Variants in BICRAL observed in about 807,000 individuals in gnomAD.
BICRAL encodes BICRA like chromatin remodeling complex associated protein.
BICRAL carries 8 observed loss-of-function variants against 91.8 expected under a neutral mutation model. That is an observed-to-expected ratio of 0.09 (90% CI 0.05 to 0.16). BICRAL has a LOEUF of 0.16. BICRAL is among the 10% of genes least tolerant of loss of function. The pLI is 1.00. For missense variants in BICRAL, 1,038 were observed against 1,310.9 expected (o/e 0.79, Z 3.21); for synonymous variants, 445 against 491.1 (o/e 0.91, Z 1.24).
intron 1 of BICRAL, among the ~76,000 whole-genome samples, chr6:42,765,253 G>T (rs1435216157): frequency 6.6e-6 from 1 of 152,210 alleles, no homozygotes; most frequent in Non-Finnish European, 1.5e-5. Context: ...CAGTGAAAGA[G>T]GCTGATTTGG....
chr6:42,789,537 G>C (rs187377651), intron 1 of BICRAL, among the ~76,000 whole-genome samples: 2,363 of 151,880 alleles, frequency 0.016, 78 homozygotes, highest in African/African-American at 0.054. Context: ...AGCTACTCAG[G>C]AGGCTGAGGC....
rs970706365 is a variant in BICRAL at position 42,866,349 on chromosome 6, T to G, written c.*903T>G. On this transcript the variant is annotated 3_prime_UTR_variant, in exon 13 of 13. Coordinates refer to ENST00000314073, the MANE Select transcript of BICRAL (RefSeq NM_001393499.1). ...GTAAAAGCATATATATGTTAACTATTGAGAAAAAACAAGTTTTGCATTTTA... is the reference window on the plus strand; with the variant it reads ...GTAAAAGCATATATATGTTAACTATGGAGAAAAAACAAGTTTTGCATTTTA... The G allele has an allele frequency of 1.2e-5, 2 of 167,894 alleles. No individual in the cohort carries two copies. Among genetic ancestry groups the G allele is most frequent in the African/African-American group, 2.4e-5 (1 of 41,650 alleles). The allele number at this position is 167,894 out of a possible 1,614,324, so 10.4% of individuals were successfully genotyped here.
intron 1 of BICRAL, among the ~76,000 whole-genome samples, chr6:42,752,638 CTG>C (rs1762396979): frequency 6.6e-6 from 1 of 151,924 alleles, no homozygotes; most frequent in Non-Finnish European, 1.5e-5. Flanking sequence ...TTGAGTCTCA[CTG>C]TTTCCCAGGC....
chr6:42,834,182 C>G (rs902013410), intron 6 of BICRAL, among the ~76,000 whole-genome samples: 3 of 152,208 alleles, frequency 2.0e-5, no homozygotes, highest in Non-Finnish European at 4.4e-5. Context: ...TTGGGTTTCT[C>G]TGATGTTTCC....
chr6:42,833,562 C>A (rs1562485233), intron 6 of BICRAL, among the ~76,000 whole-genome samples: 2 of 152,078 alleles, frequency 1.3e-5, no homozygotes, highest in Non-Finnish European at 2.9e-5. Context: ...ATTCTCCTGC[C>A]TCAGCCTCCC....
At chr6:42,750,486 A>G (rs1582795445) in intron 1 of BICRAL, among the ~76,000 whole-genome samples, 1 of 151,994 alleles carries the variant, frequency 6.6e-6, no homozygotes, top group South Asian at 2.1e-4. Context: ...AGACAGCCAC[A>G]TTGCCGTCAC....
intron 2 of BICRAL, among the ~76,000 whole-genome samples, chr6:42,819,323 T>A (rs2113934846): frequency 6.6e-6 from 1 of 152,358 alleles, no homozygotes; most frequent in Non-Finnish European, 1.5e-5. Context: ...TCTCTCTCTG[T>A]CACCCAGGCT....
At chr6:42,844,490 C>G in intron 6 of BICRAL, among the ~76,000 whole-genome samples, 1 of 100,152 alleles carries the variant, frequency 1.0e-5, no homozygotes, top group Admixed American at 1.7e-4. Flanking sequence ...GCGTGGGCTA[C>G]AGAGCAAGAC....
At chr6:42,828,444 C>T (rs774024815) in intron 5 of BICRAL, 49 bp from the exon 6 acceptor site, 13 of 1,467,402 alleles carry the variant, frequency 8.9e-6, no homozygotes, top group Non-Finnish European at 1.2e-5. Flanking sequence ...TTTTATGCAT[C>T]CTTTTCAAAG....
chr6:42,754,419 A>C (rs113852368), intron 1 of BICRAL, among the ~76,000 whole-genome samples: 1,786 of 151,908 alleles, frequency 0.012, 31 homozygotes, highest in African/African-American at 0.042. Flanking sequence ...TGATCCGCCC[A>C]TCTCGGCCTC....
chr6:42,774,468 T>A (rs1762782948), intron 1 of BICRAL, among the ~76,000 whole-genome samples: 3 of 152,300 alleles, frequency 2.0e-5, no homozygotes, highest in Admixed American at 2.0e-4. Flanking sequence ...CCAGGCCGCG[T>A]GCGAAATATC....
intron 1 of BICRAL, among the ~76,000 whole-genome samples, chr6:42,784,542 C>A (rs1381641591): frequency 6.6e-6 from 1 of 152,154 alleles, no homozygotes; most frequent in Admixed American, 6.5e-5. Context: ...AGGAACTGTG[C>A]CTGATGCTTT....
chr6:42,857,346 T>G (rs999139924), intron 10 of BICRAL, 110 bp downstream of exon 10: 8 of 864,290 alleles, frequency 9.3e-6, no homozygotes, highest in Non-Finnish European at 1.4e-5. Context: ...CAGGTTATTG[T>G]TTTTAATCAC....
At chr6:42,771,800 A>G (rs114049316) in intron 1 of BICRAL, among the ~76,000 whole-genome samples, 2,177 of 152,270 alleles carry the variant, frequency 0.014, 56 homozygotes, top group African/African-American at 0.05. Context: ...CTGAGTCTCC[A>G]ATAGCATAGT....
rs922399619 is a variant in BICRAL at position 42,866,674 on chromosome 6, T to C, written c.*1228T>C. 5.4e-6 allele frequency: 2 copies of C among 372,912 alleles called. No individual in the cohort carries two copies. Among genetic ancestry groups the C allele is most frequent in the Non-Finnish European group, 1.1e-5 (2 of 187,226 alleles). 23.1% of individuals were successfully genotyped at this position (372,912 alleles called of 1,614,324 possible). A position where few individuals can be genotyped will look rare whatever the true frequency, so the allele number is the denominator to read the frequency against. On this transcript the variant is annotated 3_prime_UTR_variant, in exon 13 of 13. Transcript: ENST00000314073. Reference sequence around the variant, plus strand: ...AAGATCTGAGACATGGGATTCCCATTTGAGAGCCAAAGGATATGCCCTGTC... The same window carrying C: ...AAGATCTGAGACATGGGATTCCCATCTGAGAGCCAAAGGATATGCCCTGTC...
chr6:42,844,676 G>A (rs1398552361), intron 6 of BICRAL, among the ~76,000 whole-genome samples: 1 of 152,124 alleles, frequency 6.6e-6, no homozygotes, highest in Admixed American at 6.6e-5. Flanking sequence ...AATGGTAGGT[G>A]CAGAAGCCAG....
intron 1 of BICRAL, among the ~76,000 whole-genome samples, chr6:42,786,052 G>A (rs1426220949): frequency 6.6e-6 from 1 of 152,164 alleles, no homozygotes; most frequent in Admixed American, 6.6e-5. Context: ...CACAGGTCAG[G>A]AAGAAGCATC....
chr6:42,746,402 T>C (rs951780930), upstream of BICRAL, among the ~76,000 whole-genome samples: 3 of 151,884 alleles, frequency 2.0e-5, no homozygotes, highest in African/African-American at 7.3e-5. Context: ...TGGGTTTGTT[T>C]ATAAGAACAA....
chr6:42,789,752 G>A (rs114670856), intron 1 of BICRAL, among the ~76,000 whole-genome samples: 1,718 of 152,166 alleles, frequency 0.011, 8 homozygotes, highest in Middle Eastern at 0.031. Flanking sequence ...TGAAACTAAA[G>A]AGAAAGTATC....
Sources: gnomAD v4.1 joint callset for allele counts (sites outside exome capture counted in the v4.1 genomes callset) on GRCh38, gnomAD v4.1.1 for gene constraint, MANE v1.5 for transcripts, NCBI Gene and HGNC (gene_info 2026-07-23, HGNC 2026-07-21) for gene names.